The following SUGCT variants were observed in gnomAD, a reference collection of about 807,000 sequenced individuals.
The protein encoded by SUGCT is succinyl-CoA:glutarate-CoA transferase.
In SUGCT, 41 loss-of-function variants were observed where a neutral mutation model predicts 55.0. The observed-to-expected ratio is 0.74, with a 90% CI of 0.58 to 0.97. SUGCT has a LOEUF of 0.97. SUGCT is among the 50% of genes least tolerant of loss of function. SUGCT has a pLI of 0.00. For synonymous variants in SUGCT, 187 were observed against 200.4 expected, an observed-to-expected ratio of 0.93 and a Z score of 0.56; for missense variants, 568 against 547.8, an observed-to-expected ratio of 1.04 and a Z score of -0.37.
chr7:40,504,571 A>G (rs192283425), intron 12 of SUGCT, among the ~76,000 whole-genome samples: 46 of 151,992 alleles, frequency 3.0e-4, no homozygotes, highest in African/African-American at 1.1e-3. Context: ...AGTAGCTAGG[A>G]TTAGAAGGGC....
chr7:41,026,878 A>G, the SUGCT span, among the ~76,000 whole-genome samples: 1 of 152,150 alleles, frequency 6.6e-6, no homozygotes, highest in Non-Finnish European at 1.5e-5. Flanking sequence ...CTAAAAATAC[A>G]AAAATTAACT....
At chr7:40,971,192 G>A in the SUGCT span, among the ~76,000 whole-genome samples, 53 of 152,230 alleles carry the variant, frequency 3.5e-4, no homozygotes, top group Non-Finnish European at 6.5e-4. Context: ...TGGCAAGAGC[G>A]GGAGCAAGAG....
chr7:40,268,760 T>C (rs1225058782), intron 7 of SUGCT, among the ~76,000 whole-genome samples: 1 of 152,054 alleles, frequency 6.6e-6, no homozygotes, highest in East Asian at 1.9e-4. Flanking sequence ...AGCCTCAGAC[T>C]CCTGAGTAGT....
the SUGCT span, among the ~76,000 whole-genome samples, chr7:40,884,787 G>C: frequency 2.6e-5 from 4 of 152,306 alleles, no homozygotes; most frequent in African/African-American, 9.6e-5. Context: ...GAGCAGGAGA[G>C]TAGTTGGGGA....
chr7:40,135,196 G>A, intron 1 of SUGCT, 76 bp downstream of exon 1: 1 of 1,461,130 alleles, frequency 6.8e-7, no homozygotes, highest in Non-Finnish European at 9.1e-7. Context: ...CCTGAGGAGA[G>A]CAATTAGGGT....
intron 12 of SUGCT, among the ~76,000 whole-genome samples, chr7:40,515,640 A>G (rs1191312480): frequency 1.3e-5 from 2 of 152,228 alleles, no homozygotes; most frequent in South Asian, 2.1e-4. Flanking sequence ...TGTAGCATGT[A>G]TCAGTACTTC....
At chr7:40,539,408 T>A (rs556418286) in intron 12 of SUGCT, 1 of 152,288 alleles carries the variant, frequency 6.6e-6, no homozygotes, top group South Asian at 2.1e-4. Flanking sequence ...TATCTATGAA[T>A]GAGGTGAGAG....
chr7:40,521,483 A>C (rs1255636471), intron 12 of SUGCT, among the ~76,000 whole-genome samples: 1 of 152,126 alleles, frequency 6.6e-6, no homozygotes, highest in Non-Finnish European at 1.5e-5. Context: ...GGATTCAGAC[A>C]CTTCAAGAAA....
intron 4 of SUGCT, 148 bp downstream of exon 4, chr7:40,188,728 C>T: frequency 1.9e-6 from 1 of 534,654 alleles, no homozygotes; most frequent in Non-Finnish European, 3.2e-6. Flanking sequence ...ATTCATTTAC[C>T]ATTCACTAAG....
chr7:40,620,991 G>A (rs898415286), intron 12 of SUGCT, among the ~76,000 whole-genome samples: 4 of 152,134 alleles, frequency 2.6e-5, no homozygotes, highest in African/African-American at 9.7e-5. Flanking sequence ...TAAACAGAGA[G>A]AGGAGGATGT....
chr7:40,525,761 T>C (rs985735075), intron 12 of SUGCT, among the ~76,000 whole-genome samples: 3 of 152,166 alleles, frequency 2.0e-5, no homozygotes, highest in Non-Finnish European at 4.4e-5. Context: ...ATTTTCTGGT[T>C]TAGCTGTCAT....
intron 13 of SUGCT, among the ~76,000 whole-genome samples, chr7:40,840,473 C>CAAAA (rs200374763): frequency 2.1e-4 from 26 of 124,958 alleles, no homozygotes; most frequent in African/African-American, 6.1e-4. Context: ...GAGGAAGACT[C>CAAAA]AAAAAAAAAA....
At chr7:40,985,400 C>G in the SUGCT span, among the ~76,000 whole-genome samples, 2 of 152,014 alleles carry the variant, frequency 1.3e-5, no homozygotes, top group Admixed American at 6.6e-5. Flanking sequence ...AATGAAAATG[C>G]TGGTGATGGA....
At chr7:40,828,533 T>A (rs1044837965) in intron 13 of SUGCT, among the ~76,000 whole-genome samples, 14 of 146,032 alleles carry the variant, frequency 9.6e-5, no homozygotes, top group African/African-American at 3.3e-4. Context: ...TGTTTCCTCC[T>A]CCTATTACCG....
intron 9 of SUGCT, among the ~76,000 whole-genome samples, chr7:40,321,774 A>G (rs1562678640): frequency 6.6e-6 from 1 of 152,140 alleles, no homozygotes; most frequent in Non-Finnish European, 1.5e-5. Flanking sequence ...CTCTTGTTTT[A>G]TGTCTGAGTA....
At chr7:40,287,818 A>C (rs529911396) in intron 8 of SUGCT, among the ~76,000 whole-genome samples, 1 of 152,220 alleles carries the variant, frequency 6.6e-6, no homozygotes, top group Non-Finnish European at 1.5e-5. Flanking sequence ...ACTCTTTAAC[A>C]GGTCGAGGAA....
chr7:40,982,668 T>C, the SUGCT span, among the ~76,000 whole-genome samples: 2 of 152,128 alleles, frequency 1.3e-5, no homozygotes, highest in Non-Finnish European at 2.9e-5. Context: ...TTTTTTTTTA[T>C]TTTTTAGATA....
intron 8 of SUGCT, among the ~76,000 whole-genome samples, chr7:40,281,881 G>A (rs1482299276): frequency 6.6e-6 from 1 of 152,062 alleles, no homozygotes; most frequent in East Asian, 1.9e-4. Flanking sequence ...CAGTTTAGCA[G>A]CATAATCTCA....
At chr7:40,905,966 C>T in the SUGCT span, among the ~76,000 whole-genome samples, 1 of 152,072 alleles carries the variant, frequency 6.6e-6, no homozygotes, top group Non-Finnish European at 1.5e-5. Flanking sequence ...GATCTTTGCA[C>T]TTCCGCCTTG....
Sources: allele counts gnomAD v4.1 joint callset (sites outside exome capture counted in the v4.1 genomes callset), GRCh38; gene constraint gnomAD v4.1.1; transcripts MANE v1.5; gene names NCBI Gene and HGNC (gene_info 2026-07-23, HGNC 2026-07-21).